IKBKE: variants seen among roughly 807,000 people sequenced by gnomAD.
IKBKE encodes inhibitor of nuclear factor kappa-B kinase subunit epsilon.
A neutral mutation model predicts 92.1 loss-of-function variants in IKBKE; 45 were observed. That is an observed-to-expected ratio of 0.49 (90% CI 0.38 to 0.63). IKBKE has a LOEUF of 0.63. IKBKE is among the 20% of genes least tolerant of loss of function. The pLI, the probability that IKBKE is intolerant of heterozygous loss-of-function variation, is 0.00. For synonymous variants in IKBKE, 374 were observed against 380.3 expected (o/e 0.98, Z 0.19); for missense variants, 700 against 932.8 (o/e 0.75, Z 3.25).
At chr1:206,483,568 G>C (rs537853986) in intron 13 of IKBKE, among the ~76,000 whole-genome samples, 26 of 152,226 alleles carry the variant, frequency 1.7e-4, no homozygotes, top group Admixed American at 3.3e-4. Context: ...CTCCTTCCCT[G>C]CTCCTCCATT....
Position 206,479,883 on chromosome 1 carries a change from C to T in IKBKE, c.1197C>T (p.Val399=), listed in dbSNP as rs1553386514. The change falls in exon 11 of 22, where the codon GTC becomes GTT. Residue 399 remains valine, a synonymous_variant. Transcript: ENST00000581977. The part of the protein sequence containing the change: ...GLAFRDPALD[V]PKFVPKVDLQ... ...CTTTGTCTGCAGCTGCTCTGGACGT[C>T]CCCAAGTTCGTCCCCAAAGTGGACC... 3.7e-6 allele frequency: 6 copies of T among 1,613,868 alleles called. No individual in the cohort carries two copies. In the Admixed American group the frequency reaches 8.3e-5, roughly 22 times the overall value.
At position 206,491,228 on chromosome 1, in the gene IKBKE, C is replaced by T. The variant is rs569741841; in HGVS notation, c.1733+370C>T. 8.3e-5 allele frequency: 32 copies of T among 384,430 alleles called. 2 individuals carry two copies. In the South Asian group the frequency reaches 8.7e-4, roughly 10 times the overall value. The allele number at this position is 384,430 out of a possible 1,614,324, so 23.8% of individuals were successfully genotyped here. ...CTCCCATGTTTCCCGGACACACTCA[C>T]GTCCAGGAGGCCCTCCCTGATTTAA... On this transcript the variant is annotated intron_variant, in intron 17 of 21. Coordinates refer to ENST00000581977, the MANE Select transcript of IKBKE (RefSeq NM_014002.4).
At chr1:206,477,924 G>C in intron 8 of IKBKE, 65 bp downstream of exon 8, 2 of 1,169,704 alleles carry the variant, frequency 1.7e-6, no homozygotes, top group Non-Finnish European at 2.5e-6. Context: ...TCTCTGCTAA[G>C]TCAAGACTTC....
At chr1:206,493,403 G>A in intron 20 of IKBKE, 25 bp downstream of exon 20, 1 of 1,520,532 alleles carries the variant, frequency 6.6e-7, no homozygotes, top group Non-Finnish European at 9.1e-7. Context: ...GAAAGCGGTT[G>A]TGTATCTGTG....
At chr1:206,491,421 T>A in intron 17 of IKBKE, 1 of 465,228 alleles carries the variant, frequency 2.1e-6, no homozygotes, top group Non-Finnish European at 4.0e-6. Context: ...CCCCTGTGTG[T>A]CTCCCACGTC....
chr1:206,492,855 A>G, intron 18 of IKBKE, 168 bp from the exon 19 acceptor site: 1 of 709,332 alleles, frequency 1.4e-6, no homozygotes, highest in Non-Finnish European at 2.6e-6. Context: ...GCATTATTGC[A>G]GTGGGGCGGG....
In IKBKE at chr1:206,480,489, A is replaced by G; in HGVS notation, c.1383A>G (p.Ala461=). The G allele has an allele frequency of 6.2e-7, 1 of 1,613,788 alleles. No homozygotes were observed. The highest frequency in any genetic ancestry group is 1.3e-5 in the African/African-American group (1 of 74,958). Residue 461 remains alanine, a synonymous_variant, in exon 13 of 22, where the codon GCA becomes GCG. Transcript: ENST00000581977. ...QATCRRTLEV[A]RTSLLYLSSS... ...CATGCAGACGGACTCTGGAAGTGGC[A>G]AGGACATCCCTCCTCTACCTCAGCA...
chr1:206,493,850 C>T (rs1553391398), intron 20 of IKBKE, 70 bp from the exon 21 acceptor site: 1 of 1,243,180 alleles, frequency 8.0e-7, no homozygotes, highest in African/African-American at 1.5e-5. Flanking sequence ...GAGGGTGGGC[C>T]TCCCAGGAAA....
chr1:206,478,179 G>A lies in IKBKE; in HGVS notation c.832G>A (p.Val278Met). Residue 278 changes from valine (V) to methionine (M), a missense_variant, in exon 9 of 22, where the codon GTG (valine) becomes ATG (methionine). Val to Met is a conservative substitution (Grantham distance 21). Transcript: ENST00000581977. The surrounding 1 kb of genome is among the most constrained non-coding windows in gnomAD (Gnocchi z 4.8). ...QLSLGLQSQL[V>M]PILANILEVE... ...GGGCAGGGGGCTGCAGAGCCAGCTG[G>A]TGCCCATCCTGGCCAACATCCTGGA... 6.2e-7 allele frequency: 1 copy of A among 1,613,922 alleles called. No homozygotes were observed. Among genetic ancestry groups the A allele is most frequent in the Non-Finnish European group, 8.5e-7 (1 of 1,180,020 alleles).
chr1:206,490,789 G>A lies in IKBKE; in HGVS notation c.1694-30G>A. 1 of 1,611,848 alleles carries A rather than the reference G, an allele frequency of 6.2e-7. No homozygotes were observed. Among genetic ancestry groups the A allele is most frequent in the Non-Finnish European group, 8.5e-7 (1 of 1,177,932 alleles). ...CACTGTTTCGTTGACTGATTGAATA[G>A]GTGACATCTGTTCTGTCTGTTTCCT... On this transcript the variant is annotated intron_variant, in intron 16 of 21. Transcript: ENST00000581977. The surrounding 1 kb of genome is among the most constrained non-coding windows in gnomAD (Gnocchi z 5.2).
In IKBKE at chr1:206,480,053, G is replaced by A. The variant is rs1366606980; in HGVS notation, c.1280G>A (p.Arg427Gln). The change falls in exon 12 of 22, where the codon CGG becomes CAG. Residue 427 changes from arginine to glutamine, a missense_variant. Physicochemically the swap from Arg to Gln is conservative, Grantham distance 43 (BLOSUM62 1). Transcript: ENST00000581977. Reference sequence around the variant, plus strand: ...TTGGGCGCCGGCTACCAGGCCCTGCGGCTGGCACGGGCCCTGCTGGATGGG... The same window carrying A: ...TTGGGCGCCGGCTACCAGGCCCTGCAGCTGGCACGGGCCCTGCTGGATGGG... ...GVLGAGYQAL[R>Q]LARALLDGQE... is the part of the protein sequence containing the mutation. The A allele has an allele frequency of 5.6e-6, 9 of 1,605,034 alleles. No individual in the cohort carries two copies. Among genetic ancestry groups the A allele is most frequent in the Non-Finnish European group, 6.8e-6 (8 of 1,176,590 alleles).
intron 4 of IKBKE, 91 bp downstream of exon 4, chr1:206,474,562 C>A: frequency 7.5e-7 from 1 of 1,333,534 alleles, no homozygotes; most frequent in Non-Finnish European, 1.0e-6. Flanking sequence ...GATTTGGTCC[C>A]ATGCTCATCA....
chr1:206,474,829 G>A (rs2103450693), intron 4 of IKBKE, 36 bp from the exon 5 acceptor site: 2 of 1,606,580 alleles, frequency 1.2e-6, no homozygotes, highest in South Asian at 1.1e-5. Context: ...GAGGAGAAGT[G>A]CCGTCCTCAT....
intron 17 of IKBKE, chr1:206,491,087 G>A: frequency 1.7e-6 from 1 of 591,564 alleles, no homozygotes; most frequent in Non-Finnish European, 3.0e-6. Context: ...CTTCTGGTAT[G>A]GACAAGACTG....
intron 21 of IKBKE, among the ~76,000 whole-genome samples, chr1:206,495,839 GGGAGC>G (rs1666206384): frequency 6.6e-6 from 1 of 152,162 alleles, no homozygotes; most frequent in Admixed American, 6.5e-5. Context: ...GAATCACCAG[GGGAGC>G]TTTTAAACGT....
At chr1:206,493,180 A>T in intron 19 of IKBKE, 61 bp downstream of exon 19, 1 of 1,557,950 alleles carries the variant, frequency 6.4e-7, no homozygotes, top group Non-Finnish European at 8.8e-7. Context: ...CTTGTTACCC[A>T]TGTCTTCCCC....
chr1:206,480,646 C>A (rs1414071775), intron 13 of IKBKE, 113 bp downstream of exon 13: 4 of 791,000 alleles, frequency 5.1e-6, no homozygotes, highest in African/African-American at 1.7e-5. Flanking sequence ...CTACTGCCTT[C>A]CCTGCCCTCC....
At position 206,470,556 on chromosome 1, in the gene IKBKE, T is replaced by A. The variant is rs1664719511; in HGVS notation, c.-265T>A. On this transcript the variant is annotated 5_prime_UTR_variant, in exon 1 of 22. It adds an upstream start codon to the 5' untranslated region. Coordinates refer to ENST00000581977, the MANE Select transcript of IKBKE (RefSeq NM_014002.4). The stretch of plus-strand genomic sequence containing the variant: ...CCCAGCTCCTGGGGTGGCACAGACA[T>A]TGCAACTGGCCCTGCCTGTGGGTCC... 1 of 152,264 alleles carries A rather than the reference T, an allele frequency of 6.6e-6. No individual in the cohort carries two copies. Among genetic ancestry groups the A allele is most frequent in the Non-Finnish European group, 1.5e-5 (1 of 68,094 alleles). 9.4% of individuals were successfully genotyped at this position (152,264 alleles called of 1,614,324 possible).
In IKBKE at chr1:206,478,965, G is replaced by T. The variant is rs782430885; in HGVS notation, c.1015G>T (p.Val339Leu). ...HNTIAIFQEA[V>L]HKQTSVAPRH... ...TAGGATAGCCATTTTCCAGGAGGCCGTGCACAAGCAGACCAGTGTGGCCCC... is the reference window on the plus strand; with the variant it reads ...TAGGATAGCCATTTTCCAGGAGGCCTTGCACAAGCAGACCAGTGTGGCCCC... The change falls in exon 10 of 22, where the codon GTG (valine) becomes TTG (leucine). Residue 339 changes from valine (V) to leucine (L), a missense_variant. Transcript: ENST00000581977. This position sits in a 1 kb window ranked among gnomAD's most constrained non-coding sequence, Gnocchi z 4.8. 6.2e-7 allele frequency: 1 copy of T among 1,614,008 alleles called. No individual in the cohort carries two copies. The highest frequency in any genetic ancestry group is 8.5e-7 in the Non-Finnish European group (1 of 1,180,012).
Sources: gnomAD v4.1 joint callset for allele counts (sites outside exome capture counted in the v4.1 genomes callset) on GRCh38, gnomAD v4.1.1 for gene constraint, Gnocchi (gnomAD v3.1) non-coding constraint, MANE v1.5 for transcripts, NCBI Gene and HGNC (gene_info 2026-07-23, HGNC 2026-07-21) for gene names.